Variants in IQGAP2 observed in about 807,000 individuals in gnomAD.
The protein encoded by IQGAP2 is ras GTPase-activating-like protein IQGAP2.
In IQGAP2, 173 loss-of-function variants were observed where a neutral mutation model predicts 201.3. The observed-to-expected ratio is 0.86, with a 90% CI of 0.76 to 0.98. The LOEUF is 0.98. IQGAP2 is among the 50% of genes least tolerant of loss of function. The probability of loss-of-function intolerance (pLI) is 0.00; values close to 1 mark genes in which losing one functional copy is unlikely to be tolerated. For synonymous variants in IQGAP2, 675 were observed against 673.9 expected (o/e 1.00, Z -0.03); for missense variants, 1,687 against 1,864.8 (o/e 0.90, Z 1.76).
chr5:76,471,604 A>C (rs1755115200), intron 2 of IQGAP2, among the ~76,000 whole-genome samples: 1 of 152,224 alleles, frequency 6.6e-6, no homozygotes, highest in Admixed American at 6.5e-5. Context: ...CTCTGGCCTT[A>C]TCTAGTGGTG....
intron 11 of IQGAP2, among the ~76,000 whole-genome samples, chr5:76,605,334 A>C (rs6889411): frequency 0.045 from 6,790 of 152,238 alleles, 310 homozygotes; most frequent in East Asian, 0.27. Flanking sequence ...GGTCATAAAC[A>C]ATGGGTGAGA....
At chr5:76,666,958 C>G (rs1237258155) in intron 22 of IQGAP2, among the ~76,000 whole-genome samples, 1 of 152,142 alleles carries the variant, frequency 6.6e-6, no homozygotes, top group Non-Finnish European at 1.5e-5. Flanking sequence ...GTTGCCCAGG[C>G]TGATCTCAAA....
intron 2 of IQGAP2, among the ~76,000 whole-genome samples, chr5:76,473,299 A>AAT (rs377586914): frequency 0.29 from 43,658 of 151,990 alleles, 6,601 homozygotes; most frequent in East Asian, 0.53. Flanking sequence ...CAATATAGCT[A>AAT]TCCATTGGCT....
intron 21 of IQGAP2, among the ~76,000 whole-genome samples, chr5:76,664,735 A>G (rs1196933157): frequency 6.6e-6 from 1 of 152,222 alleles, no homozygotes; most frequent in African/African-American, 2.4e-5. Flanking sequence ...TAGTATAATA[A>G]TGAAAAAGTT....
intron 32 of IQGAP2, 96 bp from the exon 33 acceptor site, chr5:76,697,891 C>A: frequency 1.2e-6 from 1 of 854,500 alleles, no homozygotes; most frequent in Non-Finnish European, 1.8e-6. Context: ...TTACAAATAG[C>A]GACTTACTAC....
intron 1 of IQGAP2, among the ~76,000 whole-genome samples, chr5:76,461,283 G>T (rs1754435701): frequency 6.6e-6 from 1 of 151,442 alleles, no homozygotes; most frequent in African/African-American, 2.4e-5. Flanking sequence ...TGAGAAGATT[G>T]CTTGAGCCCA....
chr5:76,546,339 G>A (rs1743094282), intron 2 of IQGAP2, among the ~76,000 whole-genome samples: 1 of 152,142 alleles, frequency 6.6e-6, no homozygotes, highest in African/African-American at 2.4e-5. Context: ...CGGAGGCTGA[G>A]GCAGGAGAAT....
intron 1 of IQGAP2, among the ~76,000 whole-genome samples, chr5:76,420,490 C>T (rs1436187751): frequency 6.6e-6 from 1 of 151,798 alleles, no homozygotes; most frequent in Non-Finnish European, 1.5e-5. Context: ...ATTCTCCTGC[C>T]TCAGCCTCCC....
intron 5 of IQGAP2, among the ~76,000 whole-genome samples, chr5:76,582,509 C>G (rs190955866): frequency 1.2e-4 from 19 of 152,294 alleles, no homozygotes; most frequent in African/African-American, 4.6e-4. Context: ...TCTTTCTGCT[C>G]TACCATGAGG....
At chr5:76,537,487 ATT>A (rs112627712) in intron 2 of IQGAP2, among the ~76,000 whole-genome samples, 5 of 135,446 alleles carry the variant, frequency 3.7e-5, no homozygotes, top group Admixed American at 2.2e-4. Flanking sequence ...GTTCACAACT[ATT>A]TTTTTTTTTT....
At chr5:76,597,400 G>C (rs761623002) in intron 9 of IQGAP2, 39 bp from the exon 10 acceptor site, 5 of 1,608,646 alleles carry the variant, frequency 3.1e-6, no homozygotes, top group Middle Eastern at 1.7e-4. Context: ...GCAGTGGAAA[G>C]AGCAACCATT....
At chr5:76,589,118 C>G in intron 6 of IQGAP2, 145 bp downstream of exon 6, 1 of 278,786 alleles carries the variant, frequency 3.6e-6, no homozygotes, top group East Asian at 6.3e-5. Flanking sequence ...TCGAGACCAT[C>G]CTGACTAACA....
chr5:76,412,793 C>T (rs1751194066), intron 1 of IQGAP2, among the ~76,000 whole-genome samples: 1 of 152,198 alleles, frequency 6.6e-6, no homozygotes, highest in Non-Finnish European at 1.5e-5. Context: ...GCCATGCAAA[C>T]ATTAAATGTT....
chr5:76,556,321 A>G (rs980951999), intron 2 of IQGAP2, among the ~76,000 whole-genome samples: 6 of 152,268 alleles, frequency 3.9e-5, no homozygotes, highest in African/African-American at 1.4e-4. Context: ...GCTCCTTTAC[A>G]GTACAGGTGG....
intron 1 of IQGAP2, among the ~76,000 whole-genome samples, chr5:76,425,870 A>G (rs1368141427): frequency 1.3e-5 from 2 of 152,206 alleles, no homozygotes; most frequent in South Asian, 2.1e-4. Flanking sequence ...CATACCACAC[A>G]GAAATGTGAG....
intron 2 of IQGAP2, among the ~76,000 whole-genome samples, chr5:76,500,579 C>T (rs556820382): frequency 3.3e-5 from 5 of 152,270 alleles, no homozygotes; most frequent in East Asian, 3.9e-4. Context: ...ACTAAATATA[C>T]GGGTACCACT....
chr5:76,624,410 T>A (rs908490106), intron 13 of IQGAP2: 3 of 152,212 alleles, frequency 2.0e-5, no homozygotes, highest in African/African-American at 7.2e-5. Flanking sequence ...AGGCTAGGGA[T>A]ATGCTAGGAA....
At chr5:76,618,505 T>G in intron 13 of IQGAP2, 1 of 1,614,180 alleles carries the variant, frequency 6.2e-7, no homozygotes, top group Non-Finnish European at 8.5e-7. Context: ...GGGCACTTAA[T>G]TTTTACAGTA....
intron 33 of IQGAP2, 72 bp downstream of exon 33, chr5:76,698,219 G>T: frequency 1.6e-6 from 2 of 1,239,464 alleles, no homozygotes; most frequent in Non-Finnish European, 1.1e-6. Flanking sequence ...GTGTTTCTAG[G>T]CAGTTGGGTT....
Sources: gnomAD v4.1 joint callset for allele counts (sites outside exome capture counted in the v4.1 genomes callset) on GRCh38, gnomAD v4.1.1 for gene constraint, MANE v1.5 for transcripts, NCBI Gene and HGNC (gene_info 2026-07-23, HGNC 2026-07-21) for gene names.